The following GRID2 variants were observed in gnomAD, a reference collection of about 807,000 sequenced individuals.
GRID2 encodes the protein glutamate receptor ionotropic, delta-2.
A neutral mutation model predicts 114.8 loss-of-function variants in GRID2; 33 were observed. That is an observed-to-expected ratio of 0.29 (90% CI 0.22 to 0.38). The LOEUF is 0.38. Ranked by LOEUF, GRID2 falls within the 10% of genes least tolerant of loss-of-function variation. GRID2 has a pLI of 1.00. For synonymous variants in GRID2, 505 were observed against 449.9 expected (o/e 1.12, Z -1.55); for missense variants, 1,184 against 1,257.7 (o/e 0.94, Z 0.89).
chr4:93,126,921 C>T (rs1165046872), intron 4 of GRID2, among the ~76,000 whole-genome samples: 2 of 152,060 alleles, frequency 1.3e-5, no homozygotes, highest in African/African-American at 2.4e-5. Flanking sequence ...AATTTTTGTT[C>T]TCATGAAGTT....
At chr4:93,770,547 G>C (rs1267539838) in intron 15 of GRID2, among the ~76,000 whole-genome samples, 1 of 152,078 alleles carries the variant, frequency 6.6e-6, no homozygotes, top group African/African-American at 2.4e-5. Flanking sequence ...GGAAAAGCTT[G>C]GCTTTAGCAA....
intron 8 of GRID2, among the ~76,000 whole-genome samples, chr4:93,354,298 T>G (rs1761098587): frequency 6.6e-6 from 1 of 152,020 alleles, no homozygotes; most frequent in African/African-American, 2.4e-5. Context: ...TTCTTATAAT[T>G]TAAATTGCAC....
chr4:92,490,706 A>G (rs1723107361), intron 1 of GRID2, among the ~76,000 whole-genome samples: 1 of 152,146 alleles, frequency 6.6e-6, no homozygotes, highest in Non-Finnish European at 1.5e-5. Flanking sequence ...AAACAGTTCC[A>G]TCTCAGCATG....
chr4:92,493,794 T>C (rs1723261335), intron 1 of GRID2, among the ~76,000 whole-genome samples: 1 of 152,172 alleles, frequency 6.6e-6, no homozygotes, highest in Non-Finnish European at 1.5e-5. Flanking sequence ...TTTGACCTTT[T>C]TTAGCCTTCA....
intron 2 of GRID2, among the ~76,000 whole-genome samples, chr4:92,743,939 T>C (rs148875854): frequency 1.3e-5 from 2 of 152,320 alleles, no homozygotes; most frequent in African/African-American, 4.8e-5. Context: ...GTTTCTTAAG[T>C]CTATTTGACC....
chr4:92,889,646 G>A (rs914786578), intron 2 of GRID2, among the ~76,000 whole-genome samples: 9 of 152,140 alleles, frequency 5.9e-5, no homozygotes, highest in African/African-American at 2.2e-4. Flanking sequence ...TATATCGCAT[G>A]CTCATGGATA....
intron 13 of GRID2, among the ~76,000 whole-genome samples, chr4:93,538,809 C>T (rs1288868304): frequency 6.6e-6 from 1 of 151,552 alleles, no homozygotes. Flanking sequence ...GAAACTGTCA[C>T]AGTCCAGAGG....
intron 13 of GRID2, among the ~76,000 whole-genome samples, chr4:93,518,261 G>A (rs1730001532): frequency 6.6e-6 from 1 of 151,560 alleles, no homozygotes; most frequent in East Asian, 2.0e-4. Context: ...GGTAGATACC[G>A]ATCTCATCTA....
intron 14 of GRID2, among the ~76,000 whole-genome samples, chr4:93,681,655 A>G (rs1299343952): frequency 6.6e-6 from 1 of 152,210 alleles, no homozygotes; most frequent in East Asian, 1.9e-4. Flanking sequence ...TCTTTGACAA[A>G]CCTGACAAAA....
At chr4:93,554,464 T>A (rs1369086648) in intron 13 of GRID2, among the ~76,000 whole-genome samples, 1 of 152,158 alleles carries the variant, frequency 6.6e-6, no homozygotes, top group Admixed American at 6.6e-5. Flanking sequence ...TGGTTACAGA[T>A]ATATAATAAA....
At chr4:93,596,938 T>C (rs1476971019) in intron 13 of GRID2, among the ~76,000 whole-genome samples, 1 of 152,238 alleles carries the variant, frequency 6.6e-6, no homozygotes, top group Non-Finnish European at 1.5e-5. Context: ...ATGTATTTGT[T>C]TTGATATTCG....
chr4:93,397,393 T>C (rs1765435073), intron 9 of GRID2, among the ~76,000 whole-genome samples: 1 of 143,210 alleles, frequency 7.0e-6, no homozygotes, highest in South Asian at 2.1e-4. Context: ...AAATTATTAA[T>C]AGTCTTTCCT....
chr4:92,595,371 G>T (rs572743518), intron 2 of GRID2, among the ~76,000 whole-genome samples: 8 of 151,882 alleles, frequency 5.3e-5, no homozygotes, highest in Non-Finnish European at 1.0e-4. Context: ...GTAATATGCA[G>T]TAATGGGATT....
intron 2 of GRID2, among the ~76,000 whole-genome samples, chr4:92,604,682 TTAAAA>T (rs978508695): frequency 4.1e-4 from 62 of 152,204 alleles, no homozygotes; most frequent in African/African-American, 1.0e-3. Flanking sequence ...ATCTCAGAAC[TTAAAA>T]TAAAATATTT....
intron 2 of GRID2, among the ~76,000 whole-genome samples, chr4:92,763,448 A>T (rs1738115969): frequency 6.6e-6 from 1 of 152,208 alleles, no homozygotes; most frequent in Non-Finnish European, 1.5e-5. Flanking sequence ...TTTTTGAAAA[A>T]CAATAAAAAA....
At chr4:92,501,392 T>C (rs185848300) in intron 1 of GRID2, among the ~76,000 whole-genome samples, 69 of 152,214 alleles carry the variant, frequency 4.5e-4, no homozygotes, top group African/African-American at 1.6e-3. Context: ...TGAAATGATA[T>C]TGTGAATAAG....
intron 14 of GRID2, among the ~76,000 whole-genome samples, chr4:93,638,299 A>ATTTTTTTTTTTT (rs1446023634): frequency 1.2e-5 from 1 of 84,136 alleles, no homozygotes; most frequent in Non-Finnish European, 2.5e-5. Context: ...TAAAACTTGC[A>ATTTTTTTTTTTT]TCTTTTTTTT....
intron 13 of GRID2, among the ~76,000 whole-genome samples, chr4:93,542,353 G>A (rs890998502): frequency 6.6e-6 from 1 of 151,910 alleles, no homozygotes; most frequent in Admixed American, 6.6e-5. Flanking sequence ...TTTTCTCCTT[G>A]GTTTCAATAA....
intron 13 of GRID2, among the ~76,000 whole-genome samples, chr4:93,601,511 A>C (rs1350584750): frequency 1.3e-5 from 2 of 152,198 alleles, no homozygotes; most frequent in Admixed American, 6.5e-5. Flanking sequence ...TCCTGATAAC[A>C]CCAACAGCTG....
Sources: gnomAD v4.1 joint callset for allele counts (sites outside exome capture counted in the v4.1 genomes callset) on GRCh38, gnomAD v4.1.1 for gene constraint, MANE v1.5 for transcripts, NCBI Gene and HGNC (gene_info 2026-07-23, HGNC 2026-07-21) for gene names.